KLHL5: variants seen among roughly 807,000 people sequenced by gnomAD.
The protein encoded by KLHL5 is kelch like family member 5.
A neutral mutation model predicts 77.7 loss-of-function variants in KLHL5; 48 were observed. The observed-to-expected ratio is 0.62, with a 90% CI of 0.49 to 0.79. KLHL5 has a LOEUF of 0.79. Among genes scored for constraint, KLHL5 ranks in the 30% least tolerant of loss-of-function variants. The probability of loss-of-function intolerance (pLI) is 0.00; values close to 1 mark genes in which losing one functional copy is unlikely to be tolerated. For missense variants in KLHL5, 723 were observed against 859.7 expected, an observed-to-expected ratio of 0.84 and a Z score of 1.99; for synonymous variants, 260 against 297.0, an observed-to-expected ratio of 0.88 and a Z score of 1.28.
Position 39,125,072 on chromosome 4 carries a change from C to T in KLHL5, c.*4006C>T, listed in dbSNP as rs143722234. On this transcript the variant is annotated 3_prime_UTR_variant, in exon 11 of 11. Transcript: ENST00000504108. ...CGACAAGCACATGGAAAGCACTCAA[C>T]CTCATCAGTCATTATGCAAATCAGC... Among the ~76,000 whole-genome samples the T allele has an allele frequency of 6.6e-6, 1 of 152,106 alleles. No homozygotes were observed. The highest frequency in any genetic ancestry group is 2.4e-5 in the African/African-American group (1 of 41,512).
At chr4:39,101,567 G>C (rs1721547478) in intron 6 of KLHL5, among the ~76,000 whole-genome samples, 2 of 152,010 alleles carry the variant, frequency 1.3e-5, no homozygotes, top group South Asian at 4.1e-4. Context: ...AGAGGTAAAG[G>C]CCGGGCAAAA....
chr4:39,115,725 A>G lies in KLHL5; in HGVS notation c.2073+395A>G, dbSNP rs926467192. On this transcript the variant is annotated intron_variant, in intron 10 of 10. Transcript: ENST00000504108. ...GAGCAGTCGGATTTTTAAATACTCA[A>G]CCCATTGATATCTGGGAGCAGATTA... The G allele has an allele frequency of 5.2e-6, 6 of 1,152,382 alleles. No individual in the cohort carries two copies. The African/African-American group carries it at 8.2e-5, about 16-fold the overall frequency. The allele number at this position is 1,152,382 out of a possible 1,614,324, so 71.4% of individuals were successfully genotyped here.
At chr4:39,088,066 GTTACATT>G (rs1343487200) in intron 5 of KLHL5, among the ~76,000 whole-genome samples, 1 of 152,160 alleles carries the variant, frequency 6.6e-6, no homozygotes, top group Non-Finnish European at 1.5e-5. Context: ...TTAAAAGGGA[GTTACATT>G]TTTACTGCTA....
At chr4:39,119,603 C>CA (rs1723073885) in intron 10 of KLHL5, among the ~76,000 whole-genome samples, 1 of 152,024 alleles carries the variant, frequency 6.6e-6, no homozygotes, top group East Asian at 1.9e-4. Flanking sequence ...GCCAAACAAA[C>CA]AAAAAAATTT....
intron 10 of KLHL5, chr4:39,120,154 G>C (rs7676008): frequency 0.53 from 80,151 of 151,902 alleles, 21,703 homozygotes; most frequent in Non-Finnish European, 0.6. Context: ...TTACTCACCC[G>C]CTGAATCCAT....
chr4:39,084,497 G>A (rs371459442), intron 4 of KLHL5, among the ~76,000 whole-genome samples: 17 of 152,104 alleles, frequency 1.1e-4, no homozygotes, highest in African/African-American at 4.1e-4. Flanking sequence ...AAAACATTGA[G>A]ATCTGCTAAA....
rs1297251997 is a variant in KLHL5 at position 39,124,548 on chromosome 4, C to A, written c.*3482C>A. Among the ~76,000 whole-genome samples the A allele has an allele frequency of 6.6e-6, 1 of 151,980 alleles. No individual in the cohort carries two copies. The highest frequency in any genetic ancestry group is 2.1e-4 in the South Asian group (1 of 4,814). On this transcript the variant is annotated 3_prime_UTR_variant, in exon 11 of 11. Transcript: ENST00000504108. ...GTCAATTGATTTTTGACAAGGGTTC[C>A]AGGACCATTCAATGAAGAAAGAACA...
rs1240573823 is a variant in KLHL5, at chr4:39,107,876, A to G, written c.1688+145A>G. The G allele has an allele frequency of 8.9e-6, 5 of 559,180 alleles. No homozygotes were observed. The East Asian group carries it at 1.5e-4, about 17-fold the overall frequency. 34.6% of individuals were successfully genotyped at this position (559,180 alleles called of 1,614,324 possible). A position where few individuals can be genotyped will look rare whatever the true frequency, so the allele number is the denominator to read the frequency against. ...ATGTCTCTTTCTATAATAGTTGTAA[A>G]TATATTGTTTTAATAGTTGTTAAGC... On this transcript the variant is annotated intron_variant, in intron 8 of 10. Transcript: ENST00000504108.
rs928764429 is a variant in KLHL5 at position 39,122,654 on chromosome 4, T to TA, written c.*1597dup. On this transcript the variant is annotated 3_prime_UTR_variant, in exon 11 of 11. Coordinates refer to ENST00000504108, the MANE Select transcript of KLHL5 (RefSeq NM_015990.5). ...CCCCGTCTCTACTAAAAATAAAAAA[T>TA]AAAAAAAAATTAGCCAGGCGTGGTG... Among the ~76,000 whole-genome samples, 53 of 150,378 alleles carry TA rather than the reference T, an allele frequency of 3.5e-4. No homozygotes were observed. The highest frequency in any genetic ancestry group is 9.3e-4 in the Admixed American group (14 of 15,088).
the KLHL5 span, among the ~76,000 whole-genome samples, chr4:39,132,390 C>T: frequency 6.6e-6 from 1 of 152,114 alleles, no homozygotes; most frequent in African/African-American, 2.4e-5. Context: ...GGGTGAATCA[C>T]TTGAGCTCAC....
At chr4:39,118,418 T>C (rs955652921) in intron 10 of KLHL5, among the ~76,000 whole-genome samples, 2 of 151,474 alleles carry the variant, frequency 1.3e-5, no homozygotes, top group African/African-American at 4.9e-5. Flanking sequence ...AAAGTGAAAC[T>C]GAAGGGCACC....
At chr4:39,077,707 A>C (rs926754450) in intron 2 of KLHL5, among the ~76,000 whole-genome samples, 6 of 150,896 alleles carry the variant, frequency 4.0e-5, no homozygotes, top group South Asian at 4.2e-4. Flanking sequence ...AAAAAAAAAA[A>C]AACAAAAAAC....
chr4:39,056,067 T>C (rs6825338), intron 1 of KLHL5, among the ~76,000 whole-genome samples: 1 of 152,226 alleles, frequency 6.6e-6, no homozygotes, highest in African/African-American at 2.4e-5. Context: ...TAGTTTTCAG[T>C]CTACCATGTG....
At position 39,123,088 on chromosome 4, in the gene KLHL5, A is replaced by G. The variant is rs1267022548; in HGVS notation, c.*2022A>G. On this transcript the variant is annotated 3_prime_UTR_variant, in exon 11 of 11. Transcript: ENST00000504108. ...TTTTAGGCAACTTAACTATAAACAA[A>G]TTTATTCATAGAAGCATTGTTGCCA... Among the ~76,000 whole-genome samples, 2 of 152,190 alleles carry G rather than the reference A, an allele frequency of 1.3e-5. No individual in the cohort carries two copies. Among genetic ancestry groups the G allele is most frequent in the African/African-American group, 4.8e-5 (2 of 41,452 alleles).
At chr4:39,086,413 A>G (rs552365646) in intron 4 of KLHL5, 102 bp from the exon 5 acceptor site, 2 of 853,322 alleles carry the variant, frequency 2.3e-6, no homozygotes, top group Non-Finnish European at 3.8e-6. Flanking sequence ...TAAAATATAA[A>G]TTGTGTGTTG....
chr4:39,049,500 A>C (rs1716463629), intron 1 of KLHL5, among the ~76,000 whole-genome samples: 1 of 152,092 alleles, frequency 6.6e-6, no homozygotes, highest in African/African-American at 2.4e-5. Flanking sequence ...AATCTGGACA[A>C]CGTAGTGAGA....
upstream of KLHL5, among the ~76,000 whole-genome samples, chr4:39,060,616 CA>C (rs1717337232): frequency 6.6e-6 from 1 of 152,116 alleles, no homozygotes; most frequent in Non-Finnish European, 1.5e-5. Context: ...CTCTGGGAGG[CA>C]AACAGTGTTA....
chr4:39,069,961 G>C (rs369318088), intron 1 of KLHL5, among the ~76,000 whole-genome samples: 13 of 152,228 alleles, frequency 8.5e-5, no homozygotes, highest in African/African-American at 2.2e-4. Context: ...TCTAAATTCT[G>C]TTTTCCTTTG....
chr4:39,062,342 C>G lies in KLHL5; in HGVS notation c.-311C>G. 1 of 1,419,520 alleles carries G rather than the reference C, an allele frequency of 7.0e-7. No individual in the cohort carries two copies. Among genetic ancestry groups the G allele is most frequent in the South Asian group, 1.6e-5 (1 of 63,638 alleles). The allele number at this position is 1,419,520 out of a possible 1,614,324, so 87.9% of individuals were successfully genotyped here. On this transcript the variant is annotated 5_prime_UTR_variant, in exon 1 of 11. Transcript: ENST00000504108. ...TGAATGCTGTCAGTGTTTGTGAGAC[C>G]TAATGGTCAGTATGGGAAAGGAGAG...
Sources: gnomAD v4.1 joint callset for allele counts (sites outside exome capture counted in the v4.1 genomes callset) on GRCh38, gnomAD v4.1.1 for gene constraint, MANE v1.5 for transcripts, NCBI Gene and HGNC (gene_info 2026-07-23, HGNC 2026-07-21) for gene names.